Variants in PCDH15 observed in about 807,000 individuals in gnomAD.
PCDH15 encodes the protein protocadherin related 15, also known as protocadherin-15.
In PCDH15, 129 loss-of-function variants were observed where a neutral mutation model predicts 178.5. The observed-to-expected ratio is 0.72, with a 90% CI of 0.63 to 0.84. The LOEUF is 0.84. PCDH15 is among the 40% of genes least tolerant of loss of function. The probability of loss-of-function intolerance (pLI) is 0.00; values close to 1 mark genes in which losing one functional copy is unlikely to be tolerated. For synonymous variants in PCDH15, 800 were observed against 732.0 expected, an observed-to-expected ratio of 1.09 and a Z score of -1.50; for missense variants, 2,230 against 2,099.9, an observed-to-expected ratio of 1.06 and a Z score of -1.21.
intron 34 of PCDH15, 149 bp from the exon 35 acceptor site, chr10:53,816,426 C>T: frequency 2.6e-6 from 1 of 390,936 alleles, no homozygotes; most frequent in Non-Finnish European, 4.5e-6. Context: ...CTACCAAAAG[C>T]ATTAAATATT....
chr10:54,976,790 A>C (rs764237825), intron 2 of PCDH15, among the ~76,000 whole-genome samples: 2 of 152,128 alleles, frequency 1.3e-5, no homozygotes, highest in African/African-American at 2.4e-5. Context: ...GTTTACTTTC[A>C]TTAATCTTAC....
intron 2 of PCDH15, among the ~76,000 whole-genome samples, chr10:55,027,370 A>T (rs1840500121): frequency 6.6e-6 from 1 of 151,772 alleles, no homozygotes; most frequent in South Asian, 2.1e-4. Context: ...AGATTTAAAG[A>T]TATCTACTTT....
At chr10:54,431,483 C>A (rs1278364634) in intron 3 of PCDH15, among the ~76,000 whole-genome samples, 1 of 152,090 alleles carries the variant, frequency 6.6e-6, no homozygotes, top group African/African-American at 2.4e-5. Context: ...TACAGCATAT[C>A]AACAGAATGA....
chr10:55,559,396 TATGTAGA>T (rs1842149863), intron 2 of PCDH15, among the ~76,000 whole-genome samples: 1 of 151,980 alleles, frequency 6.6e-6, no homozygotes, highest in African/African-American at 2.4e-5. Context: ...AGAAGGATAA[TATGTAGA>T]GACAATGATA....
chr10:55,417,200 C>T (rs1350650083), intron 2 of PCDH15, among the ~76,000 whole-genome samples: 1 of 151,802 alleles, frequency 6.6e-6, no homozygotes, highest in Admixed American at 6.6e-5. Flanking sequence ...TATTATCCAT[C>T]GCTGTGTTAG....
chr10:54,849,930 G>T lies in PCDH15; in HGVS notation c.-29+47520C>A, dbSNP rs1238127689. Among the ~76,000 whole-genome samples the T allele has an allele frequency of 3.9e-5, 6 of 152,202 alleles. No homozygotes were observed. In the East Asian group the frequency reaches 1.2e-3, roughly 29 times the overall value. On this transcript the variant is annotated intron_variant, in intron 3 of 5. Transcript: ENST00000458638. ...TTAGGATTCTATGACTATTTGAAGG[G>T]TATATCATGACCTGATCTGTGTTAG...
chr10:54,616,717 T>C (rs1590557688), intron 2 of PCDH15, among the ~76,000 whole-genome samples: 1 of 152,088 alleles, frequency 6.6e-6, no homozygotes, highest in Middle Eastern at 3.2e-3. Context: ...GTCAGACTTA[T>C]GAGTACCTCG....
At chr10:54,392,201 A>G (rs2135331124) in intron 3 of PCDH15, among the ~76,000 whole-genome samples, 1 of 152,254 alleles carries the variant, frequency 6.6e-6, no homozygotes, top group Non-Finnish European at 1.5e-5. Context: ...ATGGCGGCTT[A>G]CACCTGTAAT....
At chr10:55,485,667 C>T (rs993739412) in intron 2 of PCDH15, among the ~76,000 whole-genome samples, 8 of 151,418 alleles carry the variant, frequency 5.3e-5, no homozygotes, top group Admixed American at 2.6e-4. Context: ...GGATTTAACA[C>T]AGGTATGTCA....
chr10:54,821,169 G>T (rs1380241761), intron 3 of PCDH15, among the ~76,000 whole-genome samples: 1 of 151,908 alleles, frequency 6.6e-6, no homozygotes, highest in Non-Finnish European at 1.5e-5. Context: ...TCTTTTTCAT[G>T]CTAATGCAAC....
chr10:54,366,147 C>T (rs1156610041), intron 5 of PCDH15, among the ~76,000 whole-genome samples: 1 of 152,070 alleles, frequency 6.6e-6, no homozygotes, highest in African/African-American at 2.4e-5. Flanking sequence ...TACTACTGCT[C>T]CAGTTCTCAG....
chr10:54,507,791 A>G (rs1319735349), intron 3 of PCDH15, among the ~76,000 whole-genome samples: 1 of 152,048 alleles, frequency 6.6e-6, no homozygotes, highest in East Asian at 1.9e-4. Context: ...TCACTTTAAC[A>G]GCACTAATTT....
At chr10:53,979,585 T>C (rs924345968) in intron 21 of PCDH15, among the ~76,000 whole-genome samples, 1 of 152,244 alleles carries the variant, frequency 6.6e-6, no homozygotes, top group African/African-American at 2.4e-5. Flanking sequence ...CAGCTTCTCA[T>C]ATTCGTCTCT....
chr10:54,828,679 C>T (rs577017437), intron 3 of PCDH15, among the ~76,000 whole-genome samples: 1 of 151,992 alleles, frequency 6.6e-6, no homozygotes, highest in African/African-American at 2.4e-5. Context: ...TTTTAAGTAG[C>T]TCCTATATGT....
intron 2 of PCDH15, among the ~76,000 whole-genome samples, chr10:54,636,901 T>A (rs181165433): frequency 3.4e-4 from 51 of 152,114 alleles, no homozygotes; most frequent in African/African-American, 1.1e-3. Flanking sequence ...CACAACGTCA[T>A]ATCAAGGCAA....
intron 2 of PCDH15, among the ~76,000 whole-genome samples, chr10:55,589,747 T>C (rs1230917018): frequency 6.7e-6 from 1 of 149,276 alleles, no homozygotes; most frequent in Non-Finnish European, 1.5e-5. Context: ...GAAATGCAAA[T>C]CAAAACCACA....
chr10:54,643,222 G>A (rs896573964), intron 2 of PCDH15, among the ~76,000 whole-genome samples: 1 of 152,180 alleles, frequency 6.6e-6, no homozygotes, highest in Non-Finnish European at 1.5e-5. Flanking sequence ...ACCACACCCA[G>A]CCATAAAGTT....
At chr10:55,267,183 T>C (rs1842321191) in intron 1 of PCDH15, among the ~76,000 whole-genome samples, 1 of 152,038 alleles carries the variant, frequency 6.6e-6, no homozygotes, top group Non-Finnish European at 1.5e-5. Flanking sequence ...TGTATACACA[T>C]ACACACACAC....
At chr10:55,529,480 T>C (rs1487932722) in intron 2 of PCDH15, among the ~76,000 whole-genome samples, 1 of 151,860 alleles carries the variant, frequency 6.6e-6, no homozygotes, top group Admixed American at 6.6e-5. Flanking sequence ...CCTCCCAAAG[T>C]GCTGGGATTA....
Sources: gnomAD v4.1 joint callset for allele counts (sites outside exome capture counted in the v4.1 genomes callset) on GRCh38, gnomAD v4.1.1 for gene constraint, MANE v1.5 for transcripts, NCBI Gene and HGNC (gene_info 2026-07-23, HGNC 2026-07-21) for gene names.